Variants in NTRK2 observed in about 807,000 individuals in gnomAD.
NTRK2 encodes the protein neurotrophic receptor tyrosine kinase 2.
A neutral mutation model predicts 94.5 loss-of-function variants in NTRK2; 13 were observed. The observed-to-expected ratio is 0.14, with a 90% confidence interval of 0.09 to 0.22. The LOEUF (loss-of-function observed/expected upper bound fraction) is 0.22, where lower values mean the gene tolerates loss of function less well. Among genes scored for constraint, NTRK2 ranks in the 10% least tolerant of loss-of-function variants. The probability of loss-of-function intolerance (pLI) is 1.00; values close to 1 mark genes in which losing one functional copy is unlikely to be tolerated. For synonymous variants in NTRK2, 372 were observed against 407.4 expected, an observed-to-expected ratio of 0.91 and a Z score of 1.05; for missense variants, 639 against 1,071.2, an observed-to-expected ratio of 0.60 and a Z score of 5.63.
chr9:84,967,913 G>T (rs115060929), intron 17 of NTRK2, among the ~76,000 whole-genome samples: 83 of 152,266 alleles, frequency 5.5e-4, no homozygotes, highest in Non-Finnish European at 9.0e-4. Context: ...CAGCTACCAT[G>T]GGGGCTTAAG....
chr9:85,012,958 G>C (rs1365670180), intron 17 of NTRK2, among the ~76,000 whole-genome samples: 2 of 152,172 alleles, frequency 1.3e-5, no homozygotes, highest in African/African-American at 2.4e-5. Flanking sequence ...TGGCCTTGAA[G>C]TTACTAAGTC....
At chr9:84,795,490 C>T (rs1401715104) in intron 12 of NTRK2, among the ~76,000 whole-genome samples, 1 of 152,136 alleles carries the variant, frequency 6.6e-6, no homozygotes, top group Non-Finnish European at 1.5e-5. Flanking sequence ...GCAGGCCGAG[C>T]ACAGTGCAGT....
chr9:84,938,067 C>G (rs148643640), intron 15 of NTRK2, among the ~76,000 whole-genome samples: 1 of 152,062 alleles, frequency 6.6e-6, no homozygotes, highest in Non-Finnish European at 1.5e-5. Context: ...AAAACTGAGA[C>G]TCAAGGAAGT....
intron 12 of NTRK2, among the ~76,000 whole-genome samples, chr9:84,820,273 G>GCCTCAGCCTCCCT (rs2072713163): frequency 1.3e-5 from 2 of 150,598 alleles, no homozygotes; most frequent in Non-Finnish European, 2.9e-5. Flanking sequence ...AGGTTCAAGT[G>GCCTCAGCCTCCCT]ATTCTCCTGC....
intron 6 of NTRK2, among the ~76,000 whole-genome samples, chr9:84,717,643 A>G (rs1030029328): frequency 2.0e-5 from 3 of 152,234 alleles, no homozygotes; most frequent in Admixed American, 1.3e-4. Flanking sequence ...TTTCTAGGAT[A>G]TTTAGGATGA....
In NTRK2 at chr9:85,024,584, C is replaced by G; in HGVS notation, c.*3147C>G. ...GGGACTGAATCCAAGTACTCTCACT[C>G]TGAACTTCGTGGTTCTGTCCACTAG... is the stretch of plus-strand genomic sequence containing the variant. On this transcript the variant is annotated 3_prime_UTR_variant, in exon 19 of 19. Coordinates refer to ENST00000277120, the MANE Select transcript of NTRK2 (RefSeq NM_006180.6). 4.3e-6 allele frequency: 1 copy of G among 233,038 alleles called. No individual in the cohort carries two copies. Among genetic ancestry groups the G allele is most frequent in the Non-Finnish European group, 8.5e-6 (1 of 117,898 alleles). The allele number at this position is 233,038 out of a possible 1,614,324, so 14.4% of individuals were successfully genotyped here. A position where few individuals can be genotyped will look rare whatever the true frequency, so the allele number is the denominator to read the frequency against.
chr9:84,909,903 T>A (rs1369790441), intron 14 of NTRK2, among the ~76,000 whole-genome samples: 1 of 152,216 alleles, frequency 6.6e-6, no homozygotes, highest in Non-Finnish European at 1.5e-5. Flanking sequence ...TTTAACAGGA[T>A]AAAAATGTAA....
Position 84,919,755 on chromosome 9 carries a change from G to A in NTRK2, c.1634-14407G>A, listed in dbSNP as rs1587931076. Among the ~76,000 whole-genome samples the A allele has an allele frequency of 2.6e-5, 4 of 152,266 alleles. No individual in the cohort carries two copies. The South Asian group carries it at 8.3e-4, about 32-fold the overall frequency. On this transcript the variant is annotated intron_variant, in intron 14 of 18. Transcript: ENST00000277120. ...ATTGTGTAATCTTGAGGGCCAAATT[G>A]CTAAATAGCAGTGGCCGCACCATAT... is the stretch of plus-strand genomic sequence containing the variant.
intron 17 of NTRK2, among the ~76,000 whole-genome samples, chr9:84,984,790 C>T (rs976407605): frequency 6.6e-6 from 1 of 152,218 alleles, no homozygotes; most frequent in Admixed American, 6.5e-5. Flanking sequence ...CGTGTCTTAT[C>T]TTTGCCGCTA....
intron 2 of NTRK2, among the ~76,000 whole-genome samples, chr9:84,690,494 G>A (rs1172338592): frequency 6.6e-6 from 1 of 151,994 alleles, no homozygotes; most frequent in African/African-American, 2.4e-5. Context: ...AAATGTATTG[G>A]CTTGAAAGAA....
intron 5 of NTRK2, 62 bp from the exon 6 acceptor site, chr9:84,710,575 A>G (rs2061365747): frequency 6.4e-7 from 1 of 1,551,226 alleles, no homozygotes; most frequent in African/African-American, 1.4e-5. Context: ...GTATTTTACA[A>G]GCACTAATGT....
chr9:84,946,041 C>T (rs181013761), intron 15 of NTRK2, among the ~76,000 whole-genome samples: 16 of 152,270 alleles, frequency 1.1e-4, no homozygotes, highest in Non-Finnish European at 1.6e-4. Context: ...GCACCGAGGC[C>T]GTGATCTAGA....
At position 84,977,913 on chromosome 9, in the gene NTRK2, A is replaced by G. The variant is rs144213791; in HGVS notation, c.2172+22396A>G. On this transcript the variant is annotated intron_variant, in intron 17 of 18. Coordinates refer to ENST00000277120, the MANE Select transcript of NTRK2 (RefSeq NM_006180.6). ...AGATCTGTTCCAGTGATTTATATTC[A>G]GTGGTTTTTAATGTTACTATTGTAC... Among the ~76,000 whole-genome samples the G allele has an allele frequency of 1.1e-4, 17 of 152,308 alleles. No individual in the cohort carries two copies. The East Asian group carries it at 3.1e-3, about 28-fold the overall frequency.
chr9:84,870,809 A>C (rs181550686), intron 14 of NTRK2, among the ~76,000 whole-genome samples: 2 of 152,270 alleles, frequency 1.3e-5, no homozygotes, highest in Admixed American at 6.5e-5. Flanking sequence ...ATTCTTATGG[A>C]TCCAACAGAG....
chr9:84,832,409 A>G (rs2073607489), intron 12 of NTRK2, among the ~76,000 whole-genome samples: 1 of 152,240 alleles, frequency 6.6e-6, no homozygotes, highest in African/African-American at 2.4e-5. Context: ...TACAGTGATC[A>G]GAGAAGCTAT....
intron 14 of NTRK2, chr9:84,873,736 A>T (rs1215704620): frequency 1.9e-6 from 2 of 1,056,696 alleles, no homozygotes; most frequent in Admixed American, 1.1e-4. Flanking sequence ...AGTGAAGTAA[A>T]ATCATGTTTT....
At chr9:84,745,523 A>G (rs1345908114) in intron 11 of NTRK2, among the ~76,000 whole-genome samples, 3 of 152,154 alleles carry the variant, frequency 2.0e-5, no homozygotes, top group Non-Finnish European at 2.9e-5. Context: ...TTCATCAGAG[A>G]CCCTGGAGGT....
chr9:84,710,820 A>T (rs1307434935), intron 6 of NTRK2, 29 bp downstream of exon 6: 1 of 1,611,778 alleles, frequency 6.2e-7, no homozygotes, highest in African/African-American at 1.3e-5. Context: ...AATGTGTTCT[A>T]GTTGCTATTA....
chr9:84,988,445 AAC>A (rs1001145263), intron 17 of NTRK2, among the ~76,000 whole-genome samples: 4 of 146,480 alleles, frequency 2.7e-5, no homozygotes, highest in Non-Finnish European at 4.6e-5. Flanking sequence ...CTTTCACACA[AAC>A]ACACACACAC....
Sources: gnomAD v4.1 joint callset for allele counts (sites outside exome capture counted in the v4.1 genomes callset) on GRCh38, gnomAD v4.1.1 for gene constraint, MANE v1.5 for transcripts, NCBI Gene and HGNC (gene_info 2026-07-23, HGNC 2026-07-21) for gene names.